Variants in RBFOX1 observed in about 807,000 individuals in gnomAD.
RBFOX1 encodes RNA binding protein fox-1 homolog 1.
A neutral mutation model predicts 57.7 loss-of-function variants in RBFOX1; 8 were observed. The observed-to-expected ratio is 0.14, with a 90% CI of 0.08 to 0.25. The LOEUF (loss-of-function observed/expected upper bound fraction) is 0.25, where lower values mean the gene tolerates loss of function less well. RBFOX1 is among the 10% of genes least tolerant of loss of function. The pLI is 1.00. For missense variants in RBFOX1, 611 were observed against 548.5 expected, an observed-to-expected ratio of 1.11 and a Z score of -1.14; for synonymous variants, 326 against 222.4, an observed-to-expected ratio of 1.47 and a Z score of -4.15.
At chr16:5,906,573 C>G (rs576433128) in intron 4 of RBFOX1, among the ~76,000 whole-genome samples, 1 of 152,036 alleles carries the variant, frequency 6.6e-6, no homozygotes, top group Non-Finnish European at 1.5e-5. Flanking sequence ...TATGGCAGCC[C>G]TCCAAACGAA....
At chr16:6,307,811 A>C (rs1436157888) in intron 1 of RBFOX1, among the ~76,000 whole-genome samples, 3 of 146,816 alleles carry the variant, frequency 2.0e-5, no homozygotes, top group Admixed American at 1.4e-4. Context: ...TATTTGTATC[A>C]GTGATAATTA....
intron 2 of RBFOX1, among the ~76,000 whole-genome samples, chr16:6,547,089 C>T (rs959102420): frequency 1.3e-5 from 2 of 152,232 alleles, no homozygotes; most frequent in African/African-American, 4.8e-5. Flanking sequence ...TGTTCTTCCC[C>T]TGCCCAACTC....
chr16:5,569,411 T>G (rs564995792), intron 2 of RBFOX1, among the ~76,000 whole-genome samples: 1 of 148,372 alleles, frequency 6.7e-6, no homozygotes, highest in Non-Finnish European at 1.5e-5. Context: ...TTCAGACATT[T>G]GGTAAGGGTT....
At chr16:6,954,454 G>C (rs1302161267) in intron 3 of RBFOX1, among the ~76,000 whole-genome samples, 1 of 152,166 alleles carries the variant, frequency 6.6e-6, no homozygotes, top group Non-Finnish European at 1.5e-5. Context: ...AAATTGTCAA[G>C]CAGGAACAAA....
intron 1 of RBFOX1, among the ~76,000 whole-genome samples, chr16:5,255,007 A>G (rs1316240495): frequency 6.6e-6 from 1 of 152,200 alleles, no homozygotes; most frequent in East Asian, 1.9e-4. Context: ...CCTGCCCAGC[A>G]TGGCAGTAAC....
intron 5 of RBFOX1, among the ~76,000 whole-genome samples, chr16:7,531,761 C>T (rs1355306100): frequency 1.3e-5 from 2 of 152,288 alleles, no homozygotes; most frequent in East Asian, 1.9e-4. Flanking sequence ...TTTATTTTAC[C>T]TAAATGACAT....
chr16:6,438,320 A>ATGAGGAGAGTGAGGCT (rs1279707822), intron 2 of RBFOX1, among the ~76,000 whole-genome samples: 3 of 152,158 alleles, frequency 2.0e-5, no homozygotes, highest in African/African-American at 7.2e-5. Flanking sequence ...TATGTTAAAG[A>ATGAGGAGAGTGAGGCT]TGAGGAGAGT....
intron 2 of RBFOX1, among the ~76,000 whole-genome samples, chr16:5,540,848 T>A (rs1162859119): frequency 6.6e-6 from 1 of 152,132 alleles, no homozygotes; most frequent in Non-Finnish European, 1.5e-5. Context: ...CTGCAGTTTT[T>A]TAAATTTATT....
intron 3 of RBFOX1, among the ~76,000 whole-genome samples, chr16:7,050,135 G>A (rs1713474246): frequency 7.0e-6 from 1 of 143,528 alleles, no homozygotes; most frequent in Admixed American, 6.9e-5. Flanking sequence ...CCTATTTCAG[G>A]TGTATAATTC....
intron 3 of RBFOX1, among the ~76,000 whole-genome samples, chr16:5,644,078 A>C (rs931720273): frequency 5.9e-5 from 9 of 152,158 alleles, no homozygotes; most frequent in African/African-American, 2.2e-4. Flanking sequence ...CATGATGCAA[A>C]TTTCAGAGCA....
intron 3 of RBFOX1, among the ~76,000 whole-genome samples, chr16:5,806,540 T>A (rs1597328671): frequency 6.6e-6 from 1 of 152,304 alleles, no homozygotes; most frequent in East Asian, 1.9e-4. Flanking sequence ...GGATGAACTT[T>A]CAACAGGAAT....
intron 1 of RBFOX1, among the ~76,000 whole-genome samples, chr16:6,022,784 G>A (rs1349018911): frequency 6.6e-6 from 1 of 152,178 alleles, no homozygotes; most frequent in Non-Finnish European, 1.5e-5. Flanking sequence ...AACATCTGTG[G>A]CACACATTTG....
At chr16:6,320,628 T>C (rs2081656643) in intron 2 of RBFOX1, among the ~76,000 whole-genome samples, 1 of 152,176 alleles carries the variant, frequency 6.6e-6, no homozygotes, top group South Asian at 2.1e-4. Context: ...TAGTTAACCC[T>C]GCTAAGAGAA....
intron 4 of RBFOX1, among the ~76,000 whole-genome samples, chr16:7,169,373 C>T (rs1318324002): frequency 6.6e-6 from 1 of 152,144 alleles, no homozygotes; most frequent in Non-Finnish European, 1.5e-5. Flanking sequence ...CAGATAATTA[C>T]TTGTTATGGG....
chr16:5,630,910 T>G (rs2048486748), intron 3 of RBFOX1, among the ~76,000 whole-genome samples: 1 of 152,316 alleles, frequency 6.6e-6, no homozygotes, highest in East Asian at 1.9e-4. Flanking sequence ...TTTTAGTTGG[T>G]TTCTGATGTT....
At chr16:6,089,246 C>T (rs931868205) in intron 1 of RBFOX1, among the ~76,000 whole-genome samples, 1 of 151,960 alleles carries the variant, frequency 6.6e-6, no homozygotes, top group South Asian at 2.1e-4. Flanking sequence ...AACTGAGTAG[C>T]AGGATATTGA....
At chr16:7,169,850 C>T (rs1307867693) in intron 4 of RBFOX1, among the ~76,000 whole-genome samples, 4 of 151,936 alleles carry the variant, frequency 2.6e-5, no homozygotes, top group African/African-American at 7.3e-5. Flanking sequence ...GCAGGCTGAT[C>T]GCTTGAGTCC....
intron 4 of RBFOX1, among the ~76,000 whole-genome samples, chr16:5,923,226 A>G (rs1189644989): frequency 6.6e-6 from 1 of 152,210 alleles, no homozygotes; most frequent in African/African-American, 2.4e-5. Context: ...GAGATTTACA[A>G]TTTAAATAAG....
chr16:5,414,832 C>T (rs2067118703), intron 1 of RBFOX1, among the ~76,000 whole-genome samples: 1 of 152,124 alleles, frequency 6.6e-6, no homozygotes, highest in Admixed American at 6.5e-5. Context: ...CAGTCACCAT[C>T]CTCGGTGGGA....
Sources: gnomAD v4.1 joint callset for allele counts (sites outside exome capture counted in the v4.1 genomes callset) on GRCh38, gnomAD v4.1.1 for gene constraint, MANE v1.5 for transcripts, NCBI Gene and HGNC (gene_info 2026-07-23, HGNC 2026-07-21) for gene names.